Variants in DCDC2C observed in about 807,000 individuals in gnomAD.
DCDC2C encodes the protein doublecortin domain-containing protein 2C.
DCDC2C carries 44 observed loss-of-function variants against 45.0 expected under a neutral mutation model. That is an observed-to-expected ratio of 0.98 (90% CI 0.77 to 1.26). The LOEUF is 1.26. Ranked by LOEUF, DCDC2C falls within the 50% of genes most tolerant of loss-of-function variation. DCDC2C has a pLI of 0.00. For missense variants in DCDC2C, 447 were observed against 468.9 expected, an observed-to-expected ratio of 0.95 and a Z score of 0.43; for synonymous variants, 187 against 178.8, an observed-to-expected ratio of 1.05 and a Z score of -0.37.
At chr2:3,815,626 A>G (rs1671536918) in intron 10 of DCDC2C, among the ~76,000 whole-genome samples, 1 of 152,204 alleles carries the variant, frequency 6.6e-6, no homozygotes, top group South Asian at 2.1e-4. Context: ...ACCTGGGTGC[A>G]GGCGGGCTGA....
chr2:3,757,548 C>T (rs1669754446), intron 6 of DCDC2C, among the ~76,000 whole-genome samples: 1 of 152,192 alleles, frequency 6.6e-6, no homozygotes, highest in African/African-American at 2.4e-5. Flanking sequence ...GAACTTGTGA[C>T]CCACAGGATA....
At chr2:3,743,431 G>T (rs1488787288) in intron 4 of DCDC2C, among the ~76,000 whole-genome samples, 1 of 152,164 alleles carries the variant, frequency 6.6e-6, no homozygotes, top group Non-Finnish European at 1.5e-5. Flanking sequence ...AGAACATTCT[G>T]TCCACCAGCA....
chr2:3,814,626 T>G (rs1671508764), intron 10 of DCDC2C, among the ~76,000 whole-genome samples: 1 of 152,226 alleles, frequency 6.6e-6, no homozygotes, highest in Non-Finnish European at 1.5e-5. Flanking sequence ...TTCAGCATTT[T>G]TATGTTGATT....
chr2:3,724,912 C>T (rs1381962417), intron 2 of DCDC2C, among the ~76,000 whole-genome samples: 2 of 152,166 alleles, frequency 1.3e-5, no homozygotes, highest in Non-Finnish European at 2.9e-5. Flanking sequence ...TTTGCCCCAC[C>T]TGAACTCCTT....
rs755571017 is a variant in DCDC2C, at chr2:3,733,619, G to T, written c.416+6540G>T. Among the ~76,000 whole-genome samples the T allele has an allele frequency of 5.7e-4, 87 of 152,346 alleles. 1 individual carries two copies. The highest frequency in any genetic ancestry group is 3.1e-4 in the Non-Finnish European group (21 of 68,036). Reference sequence around the variant, plus strand: ...TAGCAGGTTTGGTGTCTGGCGAGGGGTGTTCCCTGCTGCACAGTTGTGCCT... The same window carrying T: ...TAGCAGGTTTGGTGTCTGGCGAGGGTTGTTCCCTGCTGCACAGTTGTGCCT... On this transcript the variant is annotated intron_variant, in intron 3 of 10. Coordinates refer to ENST00000399143, the MANE Select transcript of DCDC2C (RefSeq NM_001287444.2).
In DCDC2C at chr2:3,726,994, C is replaced by G; in HGVS notation, c.340-9C>G. 6.5e-7 allele frequency: 1 copy of G among 1,549,758 alleles called. No homozygotes were observed. Among genetic ancestry groups the G allele is most frequent in the South Asian group, 1.2e-5 (1 of 83,914 alleles). On this transcript the variant is annotated splice_polypyrimidine_tract_variant and intron_variant, in intron 2 of 10. Coordinates refer to ENST00000399143, the MANE Select transcript of DCDC2C (RefSeq NM_001287444.2). ...ACTGAATTCCCAGGTGTGTTTTTTC[C>G]TTTTTCAGATCAAACCAGTGGTGCA...
At chr2:3,760,445 T>C (rs1669846044) in intron 6 of DCDC2C, among the ~76,000 whole-genome samples, 1 of 152,132 alleles carries the variant, frequency 6.6e-6, no homozygotes, top group Non-Finnish European at 1.5e-5. Flanking sequence ...CCATCAATGA[T>C]AGACTGGATA....
intron 10 of DCDC2C, among the ~76,000 whole-genome samples, chr2:3,843,758 C>T (rs563591986): frequency 2.6e-5 from 4 of 152,160 alleles, no homozygotes; most frequent in Non-Finnish European, 5.9e-5. Flanking sequence ...GAGCAAGAAT[C>T]TTCCCTGTGA....
intron 4 of DCDC2C, among the ~76,000 whole-genome samples, chr2:3,742,778 A>G (rs923101757): frequency 1.3e-5 from 2 of 152,216 alleles, no homozygotes; most frequent in Non-Finnish European, 2.9e-5. Context: ...GGAGCACGAC[A>G]CTGTCATCAT....
intron 10 of DCDC2C, among the ~76,000 whole-genome samples, chr2:3,792,445 G>A (rs931561569): frequency 3.9e-5 from 6 of 152,072 alleles, no homozygotes; most frequent in African/African-American, 1.2e-4. Context: ...CAAAAGGAAA[G>A]TATTTTATTT....
chr2:3,738,990 G>T (rs1056025893), intron 3 of DCDC2C, among the ~76,000 whole-genome samples: 6 of 152,088 alleles, frequency 3.9e-5, no homozygotes, highest in African/African-American at 1.4e-4. Flanking sequence ...TGGTGATATT[G>T]GTCTAGGTTC....
chr2:3,839,389 C>A (rs147274119), intron 10 of DCDC2C, among the ~76,000 whole-genome samples: 3 of 152,154 alleles, frequency 2.0e-5, no homozygotes, highest in Admixed American at 1.3e-4. Flanking sequence ...GGGCTTCTGG[C>A]AGCTACAAAA....
At chr2:3,792,987 C>T (rs542084217) in intron 10 of DCDC2C, among the ~76,000 whole-genome samples, 6 of 152,260 alleles carry the variant, frequency 3.9e-5, no homozygotes, top group Admixed American at 2.6e-4. Flanking sequence ...TGAGATTCGC[C>T]GTTCAGAGTA....
chr2:3,805,207 C>A (rs1032943600), intron 10 of DCDC2C, among the ~76,000 whole-genome samples: 3 of 152,142 alleles, frequency 2.0e-5, no homozygotes, highest in Non-Finnish European at 4.4e-5. Context: ...TCAGAAACTG[C>A]ATGAAAGGTC....
chr2:3,812,757 C>T (rs1297104551), intron 10 of DCDC2C, among the ~76,000 whole-genome samples: 2 of 151,950 alleles, frequency 1.3e-5, no homozygotes, highest in African/African-American at 4.8e-5. Flanking sequence ...TAGCTGTGTC[C>T]CAGAGAGTCT....
In DCDC2C at chr2:3,774,704, G is replaced by A. The variant is rs530711993; in HGVS notation, c.955-4112G>A. On this transcript the variant is annotated intron_variant, in intron 8 of 10. Coordinates refer to ENST00000399143, the MANE Select transcript of DCDC2C (RefSeq NM_001287444.2). ...AGCGGAATCAGCCTTTACTTCTCGT[G>A]TCTGGAAAGGGATTCAGGCTCCGCT... is the stretch of plus-strand genomic sequence containing the variant. 2.6e-5 allele frequency among the ~76,000 whole-genome samples: 4 copies of A among 152,272 alleles called. 1 individual carries two copies. In the South Asian group the frequency reaches 8.3e-4, roughly 32 times the overall value.
At chr2:3,769,222 T>A (rs1670095151) in intron 7 of DCDC2C, 89 bp from the exon 8 acceptor site, 1 of 1,313,924 alleles carries the variant, frequency 7.6e-7, no homozygotes, top group Admixed American at 2.0e-5. Context: ...GATGCCCGGC[T>A]TCGTAACTTG....
intron 10 of DCDC2C, among the ~76,000 whole-genome samples, chr2:3,833,512 G>T (rs1379687624): frequency 6.6e-6 from 1 of 152,172 alleles, no homozygotes; most frequent in Non-Finnish European, 1.5e-5. Flanking sequence ...CATTGCCATT[G>T]TGTCAGCCTT....
chr2:3,816,391 AT>A (rs1388109856), intron 10 of DCDC2C, among the ~76,000 whole-genome samples: 3 of 152,186 alleles, frequency 2.0e-5, no homozygotes, highest in Non-Finnish European at 4.4e-5. Context: ...ACCAGGCCAG[AT>A]TGATTTAGGT....
Sources: allele counts gnomAD v4.1 joint callset (sites outside exome capture counted in the v4.1 genomes callset), GRCh38; gene constraint gnomAD v4.1.1; transcripts MANE v1.5; gene names NCBI Gene and HGNC (gene_info 2026-07-23, HGNC 2026-07-21).